NFIA: variants seen among roughly 807,000 people sequenced by gnomAD.
NFIA encodes the protein nuclear factor I A.
Under a neutral mutation model 62.8 loss-of-function variants are expected in NFIA, and 8 were observed. The ratio of observed to expected loss-of-function variants is 0.13; its 90% CI spans 0.07 to 0.23. NFIA has a LOEUF of 0.23. Ranked by LOEUF, NFIA falls within the 10% of genes least tolerant of loss-of-function variation. The pLI is 1.00. For missense variants in NFIA, 410 were observed against 642.1 expected, an observed-to-expected ratio of 0.64 and a Z score of 3.91; for synonymous variants, 235 against 238.1, an observed-to-expected ratio of 0.99 and a Z score of 0.12.
chr1:61,084,798 A>G (rs546835072), intron 1 of NFIA, among the ~76,000 whole-genome samples: 30 of 152,162 alleles, frequency 2.0e-4, no homozygotes, highest in Admixed American at 3.9e-4. Flanking sequence ...ACAGTCAGGT[A>G]TTTAACAAAG....
At chr1:61,369,807 C>T (rs1410282750) in intron 6 of NFIA, among the ~76,000 whole-genome samples, 1 of 152,036 alleles carries the variant, frequency 6.6e-6, no homozygotes, top group Non-Finnish European at 1.5e-5. Flanking sequence ...TGTGTGCATA[C>T]ATATACATTC....
intron 1 of NFIA, 82 bp downstream of exon 1, chr1:61,082,900 C>T (rs1453768636): frequency 7.9e-7 from 1 of 1,268,830 alleles, no homozygotes; most frequent in Non-Finnish European, 1.0e-6. Flanking sequence ...GCACCGGGGC[C>T]GTCGCTCCGG....
At chr1:61,441,331 G>GTGTCTGTCTGTC (rs1188222630) in intron 10 of NFIA, among the ~76,000 whole-genome samples, 27 of 142,450 alleles carry the variant, frequency 1.9e-4, no homozygotes, top group African/African-American at 6.8e-4. Flanking sequence ...GTGTGTGTGT[G>GTGTCTGTCTGTC]TGTCTGTCTG....
chr1:61,366,994 T>A (rs555761698), intron 6 of NFIA, among the ~76,000 whole-genome samples: 1 of 152,310 alleles, frequency 6.6e-6, no homozygotes, highest in South Asian at 2.1e-4. Flanking sequence ...AACACAGTTT[T>A]AAAAAATTGT....
At chr1:61,132,828 C>T (rs1307481070) in intron 2 of NFIA, 3 of 152,140 alleles carry the variant, frequency 2.0e-5, no homozygotes, top group Non-Finnish European at 2.9e-5. Flanking sequence ...GATTTTCTTA[C>T]ACAATAGTGG....
At chr1:61,430,312 G>A (rs1667046415) in intron 10 of NFIA, among the ~76,000 whole-genome samples, 1 of 152,106 alleles carries the variant, frequency 6.6e-6, no homozygotes, top group Non-Finnish European at 1.5e-5. Context: ...TTAAAAATAT[G>A]ACTTTTTCTT....
intron 2 of NFIA, among the ~76,000 whole-genome samples, chr1:61,261,175 A>G (rs1656751535): frequency 6.6e-6 from 1 of 152,188 alleles, no homozygotes; most frequent in Non-Finnish European, 1.5e-5. Flanking sequence ...TTGATTCTGA[A>G]TCCCAGGTTT....
At chr1:61,109,789 G>A (rs1003371575) in intron 2 of NFIA, among the ~76,000 whole-genome samples, 3 of 151,866 alleles carry the variant, frequency 2.0e-5, no homozygotes, top group African/African-American at 7.2e-5. Flanking sequence ...AGGAAGAGTA[G>A]AATTATGTTC....
At chr1:61,427,950 T>C (rs1467174598) in intron 10 of NFIA, among the ~76,000 whole-genome samples, 2 of 152,190 alleles carry the variant, frequency 1.3e-5, no homozygotes, top group African/African-American at 4.8e-5. Context: ...CTGTAAAGCA[T>C]TAAAACAGAA....
chr1:61,211,757 G>T (rs1347388545), intron 2 of NFIA, among the ~76,000 whole-genome samples: 1 of 152,096 alleles, frequency 6.6e-6, no homozygotes, highest in African/African-American at 2.4e-5. Flanking sequence ...GAGTTCAGTG[G>T]TGCAGTCTTG....
intron 2 of NFIA, among the ~76,000 whole-genome samples, chr1:61,183,839 T>G (rs931172388): frequency 2.6e-5 from 4 of 151,478 alleles, no homozygotes; most frequent in African/African-American, 9.7e-5. Context: ...CATGGTAAAG[T>G]GGGACCATAC....
At chr1:61,429,713 A>G (rs1667019572) in intron 10 of NFIA, among the ~76,000 whole-genome samples, 1 of 152,266 alleles carries the variant, frequency 6.6e-6, no homozygotes, top group Non-Finnish European at 1.5e-5. Context: ...TGGTCTATAC[A>G]TAGAATGGAA....
intron 3 of NFIA, among the ~76,000 whole-genome samples, chr1:61,288,750 G>A (rs545175374): frequency 6.6e-6 from 1 of 152,278 alleles, no homozygotes; most frequent in East Asian, 1.9e-4. Context: ...AGGTGGGAAA[G>A]GAGGAGGGAA....
At chr1:61,139,985 TGG>T (rs1647385239) in intron 2 of NFIA, among the ~76,000 whole-genome samples, 1 of 151,694 alleles carries the variant, frequency 6.6e-6, no homozygotes, top group African/African-American at 2.4e-5. Context: ...ATGCATGACC[TGG>T]TAGAAATCCA....
intron 6 of NFIA, 54 bp downstream of exon 6, chr1:61,359,328 G>A (rs568573435): frequency 2.1e-4 from 342 of 1,610,252 alleles, no homozygotes; most frequent in African/African-American, 1.5e-3. Context: ...CTGAAAATAC[G>A]TGTGGGGTCC....
upstream of NFIA, chr1:61,077,625 A>G: frequency 7.0e-7 from 1 of 1,430,034 alleles, no homozygotes; most frequent in Non-Finnish European, 9.3e-7. Flanking sequence ...TTTACATTGC[A>G]ATGGTACGTG....
intron 2 of NFIA, among the ~76,000 whole-genome samples, chr1:61,150,911 C>T (rs777717133): frequency 3.3e-5 from 5 of 152,096 alleles, no homozygotes; most frequent in Non-Finnish European, 4.4e-5. Flanking sequence ...AGGAGCAATT[C>T]GGAAGTGGAG....
chr1:61,406,532 G>T (rs765341499), intron 8 of NFIA, 30 bp from the exon 9 acceptor site: 9 of 1,520,410 alleles, frequency 5.9e-6, no homozygotes, highest in East Asian at 2.4e-5. Context: ...TTTCTTGTAC[G>T]TGTGTTTTCT....
At chr1:61,453,443 C>CTTTTTTTTTTT (rs11336299) in intron 10 of NFIA, among the ~76,000 whole-genome samples, 4 of 78,868 alleles carry the variant, frequency 5.1e-5, no homozygotes, top group African/African-American at 1.0e-4. Flanking sequence ...TGTGAAGAAA[C>CTTTTTTTTTTT]TTTTTTTTTT....
Sources: allele counts gnomAD v4.1 joint callset (sites outside exome capture counted in the v4.1 genomes callset), GRCh38; gene constraint gnomAD v4.1.1; transcripts MANE v1.5; gene names NCBI Gene and HGNC (gene_info 2026-07-23, HGNC 2026-07-21).